The following PKN2 variants were observed in gnomAD, a reference collection of about 807,000 sequenced individuals.
The protein encoded by PKN2 is protein kinase N2.
A neutral mutation model predicts 119.1 loss-of-function variants in PKN2; 38 were observed. That is an observed-to-expected ratio of 0.32 (90% CI 0.25 to 0.42). The LOEUF (loss-of-function observed/expected upper bound fraction) is 0.42, where lower values mean the gene tolerates loss of function less well. PKN2 is among the 10% of genes least tolerant of loss of function. The pLI is 1.00. For missense variants in PKN2, 850 were observed against 1,165.1 expected (o/e 0.73, Z 3.94); for synonymous variants, 390 against 384.9 (o/e 1.01, Z -0.15).
At chr1:88,803,682 G>A (rs1671423645) in intron 8 of PKN2, among the ~76,000 whole-genome samples, 2 of 152,032 alleles carry the variant, frequency 1.3e-5, no homozygotes, top group Non-Finnish European at 2.9e-5. Flanking sequence ...TCTCTCATAC[G>A]GCTTTGGTAT....
At chr1:88,798,956 T>C (rs1214513593) in intron 8 of PKN2, among the ~76,000 whole-genome samples, 2 of 151,326 alleles carry the variant, frequency 1.3e-5, no homozygotes, top group Non-Finnish European at 2.9e-5. Context: ...TTTGGACTGG[T>C]ATGGGGGAAA....
chr1:88,831,927 T>C (rs1238058213), intron 19 of PKN2, among the ~76,000 whole-genome samples: 1 of 152,028 alleles, frequency 6.6e-6, no homozygotes, highest in Non-Finnish European at 1.5e-5. Flanking sequence ...GACACGTTTT[T>C]AGCATAGTTG....
At chr1:88,733,799 T>G (rs1218816040) in intron 1 of PKN2, among the ~76,000 whole-genome samples, 1 of 152,206 alleles carries the variant, frequency 6.6e-6, no homozygotes, top group African/African-American at 2.4e-5. Flanking sequence ...TACTTAGTGG[T>G]TGAGCATTCC....
rs371656073 is a variant in PKN2, at chr1:88,769,006, G to A, written c.505-1346G>A. On this transcript the variant is annotated intron_variant, in intron 3 of 21. Transcript: ENST00000370521. Reference sequence around the variant, plus strand: ...TTGAACAAACAGCTCAACAACCAGCGTGAACTCATAGAATGAGAACTTACT... The same window carrying A: ...TTGAACAAACAGCTCAACAACCAGCATGAACTCATAGAATGAGAACTTACT... Among the ~76,000 whole-genome samples, 7 of 149,464 alleles carry A rather than the reference G, an allele frequency of 4.7e-5. No individual in the cohort carries two copies. In the East Asian group the frequency reaches 5.8e-4, roughly 12 times the overall value.
At position 88,772,487 on chromosome 1, in the gene PKN2, A is replaced by T. The variant is rs1669936596; in HGVS notation, c.985+608A>T. Among the ~76,000 whole-genome samples, 2 of 152,214 alleles carry T rather than the reference A, an allele frequency of 1.3e-5. 1 individual carries two copies. The highest frequency in any genetic ancestry group is 4.1e-4 in the South Asian group (2 of 4,836). On this transcript the variant is annotated intron_variant, in intron 6 of 21. Coordinates refer to ENST00000370521, the MANE Select transcript of PKN2 (RefSeq NM_006256.4). ...GGGATGCTTAACCAGTAAGTATAAT[A>T]TAATATAAACATTCCAAAATCTGAG...
At chr1:88,819,915 C>T (rs968289716) in intron 16 of PKN2, among the ~76,000 whole-genome samples, 1 of 151,600 alleles carries the variant, frequency 6.6e-6, no homozygotes, top group Non-Finnish European at 1.5e-5. Context: ...AAACAGAAAA[C>T]CAAACACTGA....
At chr1:88,764,630 TAC>T (rs72334557) in intron 3 of PKN2, among the ~76,000 whole-genome samples, 1,689 of 152,356 alleles carry the variant, frequency 0.011, 26 homozygotes, top group African/African-American at 0.039. Flanking sequence ...GCCCATAATT[TAC>T]ACATTGTTCT....
chr1:88,722,266 AT>A (rs770032634), intron 1 of PKN2, among the ~76,000 whole-genome samples: 2 of 152,216 alleles, frequency 1.3e-5, no homozygotes, highest in African/African-American at 2.4e-5. Context: ...ACTGTATAAT[AT>A]TCTTTTATGC....
In PKN2 at chr1:88,790,568, T is replaced by C. The variant is rs566508340; in HGVS notation, c.1281+4355T>C. Among the ~76,000 whole-genome samples the C allele has an allele frequency of 3.3e-5, 5 of 152,324 alleles. No individual in the cohort carries two copies. In the East Asian group the frequency reaches 7.7e-4, roughly 23 times the overall value. ...ATTTTTAATATTTAATCATGATCTG[T>C]TAGATCTGCTAGATCTCTAAAAACT... On this transcript the variant is annotated intron_variant, in intron 8 of 21. Transcript: ENST00000370521.
intron 1 of PKN2, among the ~76,000 whole-genome samples, chr1:88,698,843 C>T (rs13375137): frequency 0.11 from 17,107 of 152,062 alleles, 1,976 homozygotes; most frequent in African/African-American, 0.3. Flanking sequence ...CTTCTGTTTT[C>T]CCTTCTTCAT....
At chr1:88,803,104 A>T (rs1171783872) in intron 8 of PKN2, among the ~76,000 whole-genome samples, 1 of 152,138 alleles carries the variant, frequency 6.6e-6, no homozygotes, top group African/African-American at 2.4e-5. Flanking sequence ...TACTTCTTTC[A>T]TGACAGTTCT....
intron 1 of PKN2, among the ~76,000 whole-genome samples, chr1:88,702,386 T>C (rs1341008995): frequency 6.6e-6 from 1 of 152,084 alleles, no homozygotes; most frequent in Admixed American, 6.5e-5. Flanking sequence ...TAAAGAAAAT[T>C]TTCTATTTTT....
At chr1:88,776,741 A>AG (rs1190826200) in intron 6 of PKN2, among the ~76,000 whole-genome samples, 1 of 148,386 alleles carries the variant, frequency 6.7e-6, no homozygotes, top group African/African-American at 2.6e-5. Context: ...CTCTGTCTTA[A>AG]GAAAAAAAAA....
chr1:88,804,526 T>C lies in PKN2; in HGVS notation c.1417T>C (p.Phe473Leu), dbSNP rs1331689756. The C allele has an allele frequency of 2.5e-6, 4 of 1,612,344 alleles. No homozygotes were observed. The highest frequency in any genetic ancestry group is 3.4e-6 in the Non-Finnish European group (4 of 1,179,060). The change falls in exon 9 of 22, where the codon TTT becomes CTT. Residue 473 changes from phenylalanine (F) to leucine (L), a missense_variant. Phe to Leu is a conservative substitution (Grantham distance 22). This residue lies in a region of PKN2 where 350 missense variants were observed against 511.1 expected (regional missense o/e 0.68). Coordinates refer to ENST00000370521, the MANE Select transcript of PKN2 (RefSeq NM_006256.4). ...CLYLEPQGTL[F>L]AEVTFFNPVI... ...CTATTTGGAACCACAGGGTACTTTA[T>C]TTGCAGAGGTAATAAATGTATTTTA...
chr1:88,807,497 G>A (rs770157504), intron 13 of PKN2, 32 bp from the exon 14 acceptor site: 2 of 1,602,508 alleles, frequency 1.2e-6, no homozygotes, highest in East Asian at 4.5e-5. Flanking sequence ...ATACTTTATT[G>A]TCTTATTATT....
intron 6 of PKN2, among the ~76,000 whole-genome samples, chr1:88,779,385 C>CT (rs879780694): frequency 8.2e-4 from 118 of 143,156 alleles, no homozygotes; most frequent in Admixed American, 1.6e-3. Flanking sequence ...TGTCTTTGTA[C>CT]TTTTTTTTTT....
intron 8 of PKN2, among the ~76,000 whole-genome samples, chr1:88,788,094 A>G (rs769974701): frequency 1.3e-5 from 2 of 152,216 alleles, no homozygotes; most frequent in Non-Finnish European, 2.9e-5. Flanking sequence ...TCATATGTCA[A>G]CTTTGTCTTC....
At chr1:88,684,673 G>A (rs1412268229) in intron 1 of PKN2, 45 bp downstream of exon 1, 6 of 1,456,854 alleles carry the variant, frequency 4.1e-6, no homozygotes, top group Non-Finnish European at 5.5e-6. Context: ...GAGGAGACAG[G>A]GAGAGAGCCC....
At chr1:88,687,186 A>ATT (rs1278527137) in intron 1 of PKN2, among the ~76,000 whole-genome samples, 1 of 152,156 alleles carries the variant, frequency 6.6e-6, no homozygotes, top group Non-Finnish European at 1.5e-5. Context: ...AAACTACAGT[A>ATT]TTCTGTCTTG....
Sources: allele counts gnomAD v4.1 joint callset (sites outside exome capture counted in the v4.1 genomes callset), GRCh38; gene constraint gnomAD v4.1.1; regional missense constraint gnomAD v4.1.1; transcripts MANE v1.5; gene names NCBI Gene and HGNC (gene_info 2026-07-23, HGNC 2026-07-21).